Variants in EXOC6B observed in about 807,000 individuals in gnomAD.
EXOC6B encodes exocyst complex component 6B, also known as SEC15 homolog B.
A neutral mutation model predicts 113.5 loss-of-function variants in EXOC6B; 54 were observed. That is an observed-to-expected ratio of 0.48 (90% CI 0.38 to 0.60). EXOC6B has a LOEUF of 0.60. Ranked by LOEUF, EXOC6B falls within the 20% of genes least tolerant of loss-of-function variation. The pLI, the probability that EXOC6B is intolerant of heterozygous loss-of-function variation, is 0.00. For missense variants in EXOC6B, 797 were observed against 977.5 expected (o/e 0.82, Z 2.46); for synonymous variants, 357 against 339.0 (o/e 1.05, Z -0.58).
intron 18 of EXOC6B, among the ~76,000 whole-genome samples, chr2:72,450,283 C>T (rs1019429329): frequency 2.0e-5 from 3 of 152,102 alleles, no homozygotes; most frequent in Non-Finnish European, 2.9e-5. Flanking sequence ...ATCACTTTGT[C>T]GGAGTGCTTC....
chr2:72,599,204 ATCAC>A (rs1244014046), intron 6 of EXOC6B, among the ~76,000 whole-genome samples: 2 of 152,170 alleles, frequency 1.3e-5, no homozygotes, highest in Admixed American at 1.3e-4. Flanking sequence ...AGAATTAAAC[ATCAC>A]AACAAGTAAG....
chr2:72,328,714 T>C (rs976085659), intron 20 of EXOC6B, among the ~76,000 whole-genome samples: 3 of 152,112 alleles, frequency 2.0e-5, no homozygotes, highest in African/African-American at 7.2e-5. Context: ...GTGCAGGTGG[T>C]CTGATAATAC....
intron 16 of EXOC6B, among the ~76,000 whole-genome samples, chr2:72,485,581 TTAAAATACC>T (rs1345751913): frequency 6.6e-6 from 1 of 152,198 alleles, no homozygotes; most frequent in African/African-American, 2.4e-5. Flanking sequence ...ATCTCCATGA[TTAAAATACC>T]TAAAATACTA....
intron 20 of EXOC6B, among the ~76,000 whole-genome samples, chr2:72,257,185 T>C (rs1350845946): frequency 6.6e-6 from 1 of 152,174 alleles, no homozygotes; most frequent in African/African-American, 2.4e-5. Context: ...AAACCAGTCC[T>C]AACATGGATT....
intron 18 of EXOC6B, among the ~76,000 whole-genome samples, chr2:72,449,481 ATTTT>A (rs61544524): frequency 1.4e-5 from 2 of 139,070 alleles, no homozygotes; most frequent in African/African-American, 2.6e-5. Flanking sequence ...AGCATTGTCA[ATTTT>A]TTTTTTTTTT....
At chr2:72,700,683 G>A (rs569579448) in intron 6 of EXOC6B, among the ~76,000 whole-genome samples, 2 of 152,306 alleles carry the variant, frequency 1.3e-5, no homozygotes, top group Non-Finnish European at 2.9e-5. Context: ...TTAAAATGGG[G>A]CCAGGCGCAG....
chr2:72,613,833 G>C (rs1671227856), intron 6 of EXOC6B, among the ~76,000 whole-genome samples: 1 of 151,936 alleles, frequency 6.6e-6, no homozygotes, highest in Non-Finnish European at 1.5e-5. Flanking sequence ...AGGAAACTAT[G>C]GCCCACAAGC....
At chr2:72,758,537 T>C (rs944822095) in intron 1 of EXOC6B, among the ~76,000 whole-genome samples, 7 of 152,212 alleles carry the variant, frequency 4.6e-5, no homozygotes, top group Non-Finnish European at 1.0e-4. Flanking sequence ...ATAGGTGCCA[T>C]GTTTCCATTA....
chr2:72,337,717 G>T (rs547991503), intron 19 of EXOC6B, among the ~76,000 whole-genome samples: 1 of 152,026 alleles, frequency 6.6e-6, no homozygotes, highest in Non-Finnish European at 1.5e-5. Flanking sequence ...ATAAAGTAAA[G>T]AAATTAATTT....
chr2:72,519,469 A>G (rs1701379537), intron 8 of EXOC6B, among the ~76,000 whole-genome samples: 1 of 152,206 alleles, frequency 6.6e-6, no homozygotes, highest in Non-Finnish European at 1.5e-5. Flanking sequence ...CCTCTCAGGC[A>G]TGAGTATAGT....
chr2:72,804,406 T>C (rs1386748638), intron 1 of EXOC6B, among the ~76,000 whole-genome samples: 3 of 152,140 alleles, frequency 2.0e-5, no homozygotes. Context: ...TAGTAAATCA[T>C]TATTATAGTG....
At chr2:72,202,368 G>A (rs1471595684) in intron 20 of EXOC6B, among the ~76,000 whole-genome samples, 1 of 152,152 alleles carries the variant, frequency 6.6e-6, no homozygotes, top group Non-Finnish European at 1.5e-5. Flanking sequence ...AAAACAACAG[G>A]AGTTGTTCTG....
At chr2:72,520,024 C>A (rs1470391336) in intron 8 of EXOC6B, among the ~76,000 whole-genome samples, 1 of 152,174 alleles carries the variant, frequency 6.6e-6, no homozygotes, top group Non-Finnish European at 1.5e-5. Context: ...TACTACTCAG[C>A]TTAAAATGGA....
chr2:72,371,864 C>G (rs553426346), intron 19 of EXOC6B, among the ~76,000 whole-genome samples: 1 of 152,036 alleles, frequency 6.6e-6, no homozygotes, highest in Admixed American at 6.5e-5. Context: ...AAGGGTCATC[C>G]AACTCGAAAA....
chr2:72,415,649 A>G (rs929162050), intron 18 of EXOC6B, among the ~76,000 whole-genome samples: 1 of 152,096 alleles, frequency 6.6e-6, no homozygotes, highest in Non-Finnish European at 1.5e-5. Context: ...ATAAAAGCCA[A>G]CTGAATAACA....
intron 6 of EXOC6B, among the ~76,000 whole-genome samples, chr2:72,595,366 G>T (rs1209800841): frequency 6.8e-6 from 1 of 147,350 alleles, no homozygotes; most frequent in Non-Finnish European, 1.5e-5. Flanking sequence ...GTAAAGATAG[G>T]CTAATAATAT....
At chr2:72,751,993 C>A (rs929859804) in intron 1 of EXOC6B, among the ~76,000 whole-genome samples, 1 of 152,098 alleles carries the variant, frequency 6.6e-6, no homozygotes, top group Non-Finnish European at 1.5e-5. Flanking sequence ...TGGTAGCATG[C>A]AGAAGCTTGC....
At chr2:72,444,851 G>A (rs765568243) in intron 18 of EXOC6B, among the ~76,000 whole-genome samples, 7 of 152,208 alleles carry the variant, frequency 4.6e-5, no homozygotes, top group Non-Finnish European at 1.0e-4. Flanking sequence ...CATGATGGGA[G>A]GGGCTGCCAT....
chr2:72,186,999 G>T (rs1398718348), intron 20 of EXOC6B, among the ~76,000 whole-genome samples: 1 of 152,170 alleles, frequency 6.6e-6, no homozygotes, highest in African/African-American at 2.4e-5. Flanking sequence ...CTGGAGTCAG[G>T]TGTGGAGCAG....
Sources: gnomAD v4.1 joint callset for allele counts (sites outside exome capture counted in the v4.1 genomes callset) on GRCh38, gnomAD v4.1.1 for gene constraint, MANE v1.5 for transcripts, NCBI Gene and HGNC (gene_info 2026-07-23, HGNC 2026-07-21) for gene names.